ENTREP2: variants seen among roughly 807,000 people sequenced by gnomAD.
The protein encoded by ENTREP2 is protein ENTREP2.
chr15:29,277,313 G>A, the ENTREP2 span, among the ~76,000 whole-genome samples: 2 of 151,028 alleles, frequency 1.3e-5, no homozygotes, highest in African/African-American at 4.9e-5. Context: ...CTGCACTTTA[G>A]CCTGGGCCAC....
At chr15:29,588,359 C>T in the ENTREP2 span, among the ~76,000 whole-genome samples, 2 of 151,884 alleles carry the variant, frequency 1.3e-5, no homozygotes, top group Non-Finnish European at 2.9e-5. Context: ...TCCCAGCTAC[C>T]CAGGAGGCTG....
At chr15:29,491,650 T>C in the ENTREP2 span, among the ~76,000 whole-genome samples, 1 of 152,132 alleles carries the variant, frequency 6.6e-6, no homozygotes, top group Non-Finnish European at 1.5e-5. Flanking sequence ...AAGAAAGAAA[T>C]CTCTGTATTT....
At chr15:29,475,860 G>A in the ENTREP2 span, among the ~76,000 whole-genome samples, 2 of 152,318 alleles carry the variant, frequency 1.3e-5, no homozygotes, top group South Asian at 2.1e-4. Context: ...CAGGATCTAC[G>A]GAAGGGCGAG....
At chr15:29,319,950 G>GC in the ENTREP2 span, among the ~76,000 whole-genome samples, 1 of 152,180 alleles carries the variant, frequency 6.6e-6, no homozygotes, top group Non-Finnish European at 1.5e-5. Context: ...AGGGTTAAGA[G>GC]CCCTGATGGC....
chr15:29,674,332 C>G, the ENTREP2 span, among the ~76,000 whole-genome samples: 4 of 152,146 alleles, frequency 2.6e-5, no homozygotes. Context: ...TGCAGTGGCG[C>G]AATCTCAGCT....
the ENTREP2 span, among the ~76,000 whole-genome samples, chr15:29,206,718 G>A: frequency 6.6e-6 from 1 of 152,098 alleles, no homozygotes; most frequent in African/African-American, 2.4e-5. Flanking sequence ...AAAATTGACT[G>A]GGGTGGTGAC....
the ENTREP2 span, among the ~76,000 whole-genome samples, chr15:29,400,087 T>G: frequency 6.6e-6 from 1 of 152,322 alleles, no homozygotes; most frequent in East Asian, 1.9e-4. Flanking sequence ...GTTTTTATAC[T>G]TTATCCTGAC....
the ENTREP2 span, among the ~76,000 whole-genome samples, chr15:29,313,445 T>C: frequency 6.6e-6 from 1 of 152,318 alleles, no homozygotes; most frequent in South Asian, 2.1e-4. Context: ...TTGAAGCCAA[T>C]ACTCAACCAT....
At chr15:29,395,010 C>T in the ENTREP2 span, among the ~76,000 whole-genome samples, 1 of 150,786 alleles carries the variant, frequency 6.6e-6, no homozygotes, top group East Asian at 2.0e-4. Context: ...GCCTTAGCCT[C>T]CTGAGTAGCT....
the ENTREP2 span, among the ~76,000 whole-genome samples, chr15:29,355,655 A>G: frequency 6.6e-6 from 1 of 152,206 alleles, no homozygotes; most frequent in African/African-American, 2.4e-5. Flanking sequence ...TCAAATTGCT[A>G]ATGCCAGAAA....
At chr15:29,656,511 G>A in the ENTREP2 span, among the ~76,000 whole-genome samples, 1 of 152,214 alleles carries the variant, frequency 6.6e-6, no homozygotes, top group Non-Finnish European at 1.5e-5. Context: ...ACAGGCGTGG[G>A]CCACTGTGCC....
At chr15:29,574,588 C>T in the ENTREP2 span, among the ~76,000 whole-genome samples, 4 of 152,174 alleles carry the variant, frequency 2.6e-5, no homozygotes, top group Non-Finnish European at 5.9e-5. Flanking sequence ...CCACCACACC[C>T]GGCCAAGACC....
the ENTREP2 span, among the ~76,000 whole-genome samples, chr15:29,398,701 G>A: frequency 6.6e-6 from 1 of 152,190 alleles, no homozygotes; most frequent in South Asian, 2.1e-4. Context: ...TCCAGCCTGG[G>A]TGACAGAGCG....
the ENTREP2 span, among the ~76,000 whole-genome samples, chr15:29,323,791 C>G: frequency 7.2e-5 from 11 of 152,122 alleles, no homozygotes; most frequent in African/African-American, 2.7e-4. Flanking sequence ...ATTTAGGTCA[C>G]AGAAGGTTCT....
the ENTREP2 span, among the ~76,000 whole-genome samples, chr15:29,129,391 C>G: frequency 8.5e-5 from 13 of 152,312 alleles, no homozygotes; most frequent in African/African-American, 2.4e-4. Context: ...TGAACTTTTG[C>G]AATCAGAGAG....
chr15:29,590,683 C>CAAAAAA, the ENTREP2 span, among the ~76,000 whole-genome samples: 157 of 74,014 alleles, frequency 2.1e-3, 2 homozygotes, highest in Middle Eastern at 9.3e-3. Context: ...GACTCCGTCT[C>CAAAAAA]AAAAAAAAAA....
chr15:29,594,393 A>C, the ENTREP2 span, among the ~76,000 whole-genome samples: 16 of 151,750 alleles, frequency 1.1e-4, no homozygotes, highest in African/African-American at 3.6e-4. Flanking sequence ...ATGCCTCCCA[A>C]CTCTCACCTG....
chr15:29,657,477 G>C, the ENTREP2 span, among the ~76,000 whole-genome samples: 86 of 104,644 alleles, frequency 8.2e-4, no homozygotes, highest in Middle Eastern at 4.4e-3. Flanking sequence ...CTGTCGGCTG[G>C]GGGGGCGGGG....
the ENTREP2 span, among the ~76,000 whole-genome samples, chr15:29,460,610 G>A: frequency 2.6e-5 from 4 of 152,178 alleles, no homozygotes; most frequent in East Asian, 7.7e-4. Context: ...CAGCCTGGGC[G>A]ACAGAGTGAG....
Sources: allele counts gnomAD v4.1 joint callset (sites outside exome capture counted in the v4.1 genomes callset), GRCh38; gene constraint gnomAD v4.1.1; transcripts MANE v1.5; gene names NCBI Gene and HGNC (gene_info 2026-07-23, HGNC 2026-07-21).